Variants in NEGR1 observed in about 807,000 individuals in gnomAD.
NEGR1 encodes neuronal growth regulator 1, also known as IgLON family member 4.
Under a neutral mutation model 40.9 loss-of-function variants are expected in NEGR1, and 10 were observed. The observed-to-expected ratio is 0.24, with a 90% CI of 0.15 to 0.42. The LOEUF (loss-of-function observed/expected upper bound fraction) is 0.42, where lower values mean the gene tolerates loss of function less well. Ranked by LOEUF, NEGR1 falls within the 10% of genes least tolerant of loss-of-function variation. The pLI is 1.00. For missense variants in NEGR1, 352 were observed against 438.9 expected (o/e 0.80, Z 1.77); for synonymous variants, 185 against 166.8 (o/e 1.11, Z -0.84).
At chr1:71,667,214 A>C (rs1293348915) in intron 4 of NEGR1, among the ~76,000 whole-genome samples, 1 of 152,176 alleles carries the variant, frequency 6.6e-6, no homozygotes, top group African/African-American at 2.4e-5. Context: ...GAAACACAAG[A>C]GTTTAGTCTT....
chr1:72,130,916 G>A (rs907052715), intron 1 of NEGR1, among the ~76,000 whole-genome samples: 1 of 152,010 alleles, frequency 6.6e-6, no homozygotes, highest in South Asian at 2.1e-4. Flanking sequence ...AAAAATGGAG[G>A]GAAGGATTAA....
At chr1:72,016,284 T>G (rs1490747803) in intron 1 of NEGR1, among the ~76,000 whole-genome samples, 1 of 152,158 alleles carries the variant, frequency 6.6e-6, no homozygotes, top group Non-Finnish European at 1.5e-5. Flanking sequence ...GAATTTCTAA[T>G]GTAATCATTA....
At chr1:71,977,273 C>A (rs559860965) in intron 1 of NEGR1, among the ~76,000 whole-genome samples, 1 of 152,238 alleles carries the variant, frequency 6.6e-6, no homozygotes, top group South Asian at 2.1e-4. Context: ...TTGCAGTGAG[C>A]TGAGATCATG....
At chr1:71,933,327 A>T (rs568342734) in intron 2 of NEGR1, among the ~76,000 whole-genome samples, 2 of 152,224 alleles carry the variant, frequency 1.3e-5, no homozygotes, top group South Asian at 4.1e-4. Context: ...GGTATTTAAA[A>T]TATAGACCTA....
At chr1:71,876,775 A>C (rs1031918630) in intron 2 of NEGR1, among the ~76,000 whole-genome samples, 1 of 152,118 alleles carries the variant, frequency 6.6e-6, no homozygotes, top group Non-Finnish European at 1.5e-5. Flanking sequence ...TTTTTATATT[A>C]TGATCCCATA....
At chr1:71,640,357 G>A (rs1196212821) in intron 4 of NEGR1, among the ~76,000 whole-genome samples, 1 of 151,962 alleles carries the variant, frequency 6.6e-6, no homozygotes, top group African/African-American at 2.4e-5. Flanking sequence ...CCTCGAAACT[G>A]AAACAAAGGA....
intron 3 of NEGR1, among the ~76,000 whole-genome samples, chr1:71,714,360 C>T (rs1654204494): frequency 6.6e-6 from 1 of 152,128 alleles, no homozygotes; most frequent in Non-Finnish European, 1.5e-5. Flanking sequence ...ATCATTCTGC[C>T]TTTGGCCCCT....
At chr1:72,083,656 A>G (rs978362672) in intron 1 of NEGR1, among the ~76,000 whole-genome samples, 18 of 152,300 alleles carry the variant, frequency 1.2e-4, no homozygotes, top group Non-Finnish European at 1.9e-4. Flanking sequence ...ATTGCCTCCC[A>G]GCAAAAACAT....
In NEGR1 at chr1:71,405,886, T is replaced by A. The variant is rs1028688867; in HGVS notation, c.*1560A>T. ...ACTTCATCAAACCTGTAAAATGGCT[T>A]TCAAGGTGATGGCCTTTCTTTAGTA... On this transcript the variant is annotated 3_prime_UTR_variant, in exon 7 of 7. Coordinates refer to ENST00000357731, the MANE Select transcript of NEGR1 (RefSeq NM_173808.3). 4 of 152,218 alleles carry A rather than the reference T, an allele frequency of 2.6e-5. No homozygotes were observed. The highest frequency in any genetic ancestry group is 9.7e-5 in the African/African-American group (4 of 41,402). 9.4% of individuals were successfully genotyped at this position (152,218 alleles called of 1,614,324 possible).
At chr1:72,134,822 C>T (rs1461460816) in intron 1 of NEGR1, among the ~76,000 whole-genome samples, 1 of 151,406 alleles carries the variant, frequency 6.6e-6, no homozygotes, top group Non-Finnish European at 1.5e-5. Context: ...ACCACAACCT[C>T]CGCCTCCTGG....
chr1:71,597,566 G>A (rs1359176469), intron 5 of NEGR1, among the ~76,000 whole-genome samples: 1 of 149,256 alleles, frequency 6.7e-6, no homozygotes, highest in African/African-American at 2.5e-5. Flanking sequence ...TTATGTATGT[G>A]GGACATTTTA....
intron 1 of NEGR1, among the ~76,000 whole-genome samples, chr1:72,020,097 C>T (rs1646743576): frequency 6.6e-6 from 1 of 152,086 alleles, no homozygotes; most frequent in African/African-American, 2.4e-5. Context: ...ATTATTATTC[C>T]CTTTGGCTTC....
intron 1 of NEGR1, among the ~76,000 whole-genome samples, chr1:72,210,592 T>C (rs915347485): frequency 3.3e-5 from 5 of 151,916 alleles, no homozygotes; most frequent in Non-Finnish European, 7.4e-5. Flanking sequence ...TGTTGCAAAG[T>C]TGAAGATTTG....
At chr1:71,862,060 G>C (rs150487556) in intron 2 of NEGR1, among the ~76,000 whole-genome samples, 1 of 152,044 alleles carries the variant, frequency 6.6e-6, no homozygotes, top group African/African-American at 2.4e-5. Flanking sequence ...CATTTTCTGT[G>C]TATTTTTCCT....
At chr1:72,254,086 C>G (rs918552847) in intron 1 of NEGR1, among the ~76,000 whole-genome samples, 2 of 152,216 alleles carry the variant, frequency 1.3e-5, no homozygotes, top group Non-Finnish European at 2.9e-5. Flanking sequence ...AACCCAAATT[C>G]TATACATAAC....
chr1:72,237,845 C>A (rs1654608906), intron 1 of NEGR1, among the ~76,000 whole-genome samples: 1 of 151,944 alleles, frequency 6.6e-6, no homozygotes, highest in Non-Finnish European at 1.5e-5. Context: ...TGGCCTTAGA[C>A]AAGTTACATC....
At chr1:72,081,475 G>A (rs185108799) in intron 1 of NEGR1, among the ~76,000 whole-genome samples, 214 of 152,186 alleles carry the variant, frequency 1.4e-3, no homozygotes, top group South Asian at 3.3e-3. Context: ...ACAGCTCCCT[G>A]TAATTTTCCT....
intron 4 of NEGR1, among the ~76,000 whole-genome samples, chr1:71,675,809 T>TG (rs61110297): frequency 0.84 from 126,227 of 150,528 alleles, 52,830 homozygotes; most frequent in Middle Eastern, 0.91. Flanking sequence ...TTTTGTTTTT[T>TG]TTTTCCTTAA....
chr1:71,623,710 GA>G (rs1317000979), intron 4 of NEGR1, among the ~76,000 whole-genome samples: 2 of 151,896 alleles, frequency 1.3e-5, no homozygotes, highest in Non-Finnish European at 2.9e-5. Context: ...GTAGCTTAAA[GA>G]AATCAGAAGA....
Sources: allele counts gnomAD v4.1 joint callset (sites outside exome capture counted in the v4.1 genomes callset), GRCh38; gene constraint gnomAD v4.1.1; transcripts MANE v1.5; gene names NCBI Gene and HGNC (gene_info 2026-07-23, HGNC 2026-07-21).